The following ZDHHC14 variants were observed in gnomAD, a reference collection of about 807,000 sequenced individuals.
ZDHHC14 encodes the protein palmitoyltransferase ZDHHC14.
Under a neutral mutation model 47.7 loss-of-function variants are expected in ZDHHC14, and 16 were observed. That is an observed-to-expected ratio of 0.34 (90% CI 0.23 to 0.51). ZDHHC14 has a LOEUF of 0.51. Ranked by LOEUF, ZDHHC14 falls within the 20% of genes least tolerant of loss-of-function variation. The pLI is 0.97. For synonymous variants in ZDHHC14, 293 were observed against 278.9 expected (o/e 1.05, Z -0.50); for missense variants, 515 against 662.5 (o/e 0.78, Z 2.44).
chr6:157,525,014 T>C (rs1183877750), intron 1 of ZDHHC14, among the ~76,000 whole-genome samples: 1 of 152,206 alleles, frequency 6.6e-6, no homozygotes, highest in East Asian at 1.9e-4. Context: ...CCCACAGGGC[T>C]GCAATCAAGA....
chr6:157,670,553 C>G (rs1444622092), intron 8 of ZDHHC14, among the ~76,000 whole-genome samples: 4 of 152,166 alleles, frequency 2.6e-5, no homozygotes, highest in African/African-American at 9.7e-5. Flanking sequence ...CCTTAGCCCC[C>G]CAAAGTGCTG....
chr6:157,455,738 T>C (rs1050534410), intron 1 of ZDHHC14, among the ~76,000 whole-genome samples: 4 of 152,222 alleles, frequency 2.6e-5, no homozygotes, highest in African/African-American at 9.6e-5. Flanking sequence ...GTGATCTTTC[T>C]TACAGTCAAC....
chr6:157,564,082 T>C (rs1016322367), intron 2 of ZDHHC14, among the ~76,000 whole-genome samples: 5 of 152,250 alleles, frequency 3.3e-5, no homozygotes, highest in Admixed American at 2.6e-4. Flanking sequence ...CTCAGAATCG[T>C]ATTTCTCCTT....
At chr6:157,457,103 G>A (rs1778936083) in intron 1 of ZDHHC14, among the ~76,000 whole-genome samples, 1 of 151,424 alleles carries the variant, frequency 6.6e-6, no homozygotes. Flanking sequence ...GAACTCGGGA[G>A]GTGGAGATTG....
rs777568494 is a variant in ZDHHC14, at chr6:157,595,174, A to ATTTTTTTTTTTTTTTTTTTT, written c.565+2045_565+2064dup. 6.4e-5 allele frequency among the ~76,000 whole-genome samples: 4 copies of ATTTTTTTTTTTTTTTTTTTT among 62,716 alleles called. 1 individual carries two copies. The highest frequency in any genetic ancestry group is 3.0e-4 in the African/African-American group (4 of 13,538). 41.1% of individuals were successfully genotyped at this position (62,716 alleles called of 152,430 possible). A position where few individuals can be genotyped will look rare whatever the true frequency, so the allele number is the denominator to read the frequency against. ...CCTCTGTTTCTTGTCTCTAGGCTAG[A>ATTTTTTTTTTTTTTTTTTTT]TTTTTTTTTTTTTTTTTTTTTTTTT... On this transcript the variant is annotated intron_variant, in intron 3 of 8. Transcript: ENST00000359775.
Position 157,640,344 on chromosome 6 carries a change from G to C in ZDHHC14, c.753-5393G>C, listed in dbSNP as rs558361859. ...TGACAGAAAGCGTTTTCATCCCCAA[G>C]TTGCATTCACTGGACACTGACCCAT... is the stretch of plus-strand genomic sequence containing the variant. On this transcript the variant is annotated intron_variant, in intron 5 of 8. Coordinates refer to ENST00000359775, the MANE Select transcript of ZDHHC14 (RefSeq NM_024630.3). Among the ~76,000 whole-genome samples, 8 of 152,312 alleles carry C rather than the reference G, an allele frequency of 5.3e-5. No individual in the cohort carries two copies. In the South Asian group the frequency reaches 1.4e-3, roughly 28 times the overall value.
intron 2 of ZDHHC14, among the ~76,000 whole-genome samples, chr6:157,550,381 T>C (rs1782175456): frequency 1.3e-5 from 2 of 151,564 alleles, no homozygotes; most frequent in South Asian, 4.2e-4. Flanking sequence ...ACAGACATTC[T>C]AGAGAGACTG....
chr6:157,501,805 C>A (rs886801211), intron 1 of ZDHHC14, among the ~76,000 whole-genome samples: 1 of 152,172 alleles, frequency 6.6e-6, no homozygotes, highest in African/African-American at 2.4e-5. Context: ...TGTTCTCCAG[C>A]TGACATAGTT....
chr6:157,543,227 T>A (rs896681500), intron 2 of ZDHHC14, among the ~76,000 whole-genome samples: 1 of 152,236 alleles, frequency 6.6e-6, no homozygotes, highest in Non-Finnish European at 1.5e-5. Context: ...GTATCTGTGA[T>A]ATGTATTGAG....
At chr6:157,512,558 C>T (rs987246836) in intron 1 of ZDHHC14, among the ~76,000 whole-genome samples, 5 of 152,070 alleles carry the variant, frequency 3.3e-5, no homozygotes, top group African/African-American at 4.8e-5. Flanking sequence ...TAGAAATGGG[C>T]GAGGCCAGGT....
chr6:157,575,447 C>T (rs2114864501), intron 2 of ZDHHC14, among the ~76,000 whole-genome samples: 1 of 152,264 alleles, frequency 6.6e-6, no homozygotes, highest in Non-Finnish European at 1.5e-5. Context: ...GTGGCCTAGC[C>T]CCTGCCTTCC....
At chr6:157,534,456 C>T (rs1475754998) in intron 1 of ZDHHC14, among the ~76,000 whole-genome samples, 1 of 152,176 alleles carries the variant, frequency 6.6e-6, no homozygotes, top group Admixed American at 6.5e-5. Flanking sequence ...TAAAGAGCAA[C>T]TTTTGGGGCA....
chr6:157,388,068 T>C (rs1777353292), intron 1 of ZDHHC14, among the ~76,000 whole-genome samples: 1 of 152,258 alleles, frequency 6.6e-6, no homozygotes, highest in Admixed American at 6.5e-5. Flanking sequence ...GGATGTTCTC[T>C]TGGCTAACCA....
intron 1 of ZDHHC14, among the ~76,000 whole-genome samples, chr6:157,454,135 G>A (rs1778862802): frequency 6.6e-6 from 1 of 152,316 alleles, no homozygotes; most frequent in East Asian, 1.9e-4. Flanking sequence ...GCTGTAGCTG[G>A]CCTACATCCC....
chr6:157,426,786 C>T (rs1778230619), intron 1 of ZDHHC14, among the ~76,000 whole-genome samples: 1 of 152,190 alleles, frequency 6.6e-6, no homozygotes, highest in South Asian at 2.1e-4. Flanking sequence ...GCGTGAGGTT[C>T]TACAGAGCTC....
intron 5 of ZDHHC14, among the ~76,000 whole-genome samples, chr6:157,638,847 C>CCTCCGTGCAGGGCT (rs1469620097): frequency 1.3e-5 from 2 of 152,206 alleles, no homozygotes; most frequent in African/African-American, 4.8e-5. Flanking sequence ...GTGGCAGGGA[C>CCTCCGTGCAGGGCT]CTCCGTGCAG....
chr6:157,655,996 A>G (rs1778071986), intron 8 of ZDHHC14, among the ~76,000 whole-genome samples: 1 of 152,262 alleles, frequency 6.6e-6, no homozygotes, highest in Non-Finnish European at 1.5e-5. Flanking sequence ...TCATCAATTC[A>G]GCAAACAGTT....
rs933280913 is a variant in ZDHHC14, at chr6:157,676,025, G to A, written c.*2903G>A. Reference sequence around the variant, plus strand: ...CTTCCCGGCACTTGAAGGCTGAACTGAGCGTGAGTGCCCTGGTCCCCAGGA... The same window carrying A: ...CTTCCCGGCACTTGAAGGCTGAACTAAGCGTGAGTGCCCTGGTCCCCAGGA... On this transcript the variant is annotated 3_prime_UTR_variant, in exon 9 of 9. Coordinates refer to ENST00000359775, the MANE Select transcript of ZDHHC14 (RefSeq NM_024630.3). 6.6e-6 allele frequency: 1 copy of A among 152,000 alleles called. No individual in the cohort carries two copies. The highest frequency in any genetic ancestry group is 2.4e-5 in the African/African-American group (1 of 41,274). The allele number at this position is 152,000 out of a possible 1,614,324, so 9.4% of individuals were successfully genotyped here.
At position 157,614,347 on chromosome 6, in the gene ZDHHC14, T is replaced by G. The variant is rs992335706; in HGVS notation, c.566-14002T>G. Among the ~76,000 whole-genome samples the G allele has an allele frequency of 2.7e-5, 4 of 145,946 alleles. No individual in the cohort carries two copies. In the East Asian group the frequency reaches 6.4e-4, roughly 23 times the overall value. ...CTGATTTACAGTCAACTTTACCACA[T>G]TTACTAGCTGACTGATTTTTTTTTT... On this transcript the variant is annotated intron_variant, in intron 3 of 8. Coordinates refer to ENST00000359775, the MANE Select transcript of ZDHHC14 (RefSeq NM_024630.3).
Sources: allele counts gnomAD v4.1 joint callset (sites outside exome capture counted in the v4.1 genomes callset), GRCh38; gene constraint gnomAD v4.1.1; transcripts MANE v1.5; gene names NCBI Gene and HGNC (gene_info 2026-07-23, HGNC 2026-07-21).